Variants in PRKN observed in about 807,000 individuals in gnomAD.
The protein encoded by PRKN is E3 ubiquitin-protein ligase parkin.
Under a neutral mutation model 59.5 loss-of-function variants are expected in PRKN, and 56 were observed. The ratio of observed to expected loss-of-function variants is 0.94; its 90% CI spans 0.76 to 1.18. The LOEUF (loss-of-function observed/expected upper bound fraction) is 1.18. Ranked by LOEUF, PRKN falls within the 50% of genes most tolerant of loss-of-function variation. The probability of loss-of-function intolerance (pLI) is 0.00; values close to 1 mark genes in which losing one functional copy is unlikely to be tolerated. For missense variants in PRKN, 657 were observed against 596.4 expected, an observed-to-expected ratio of 1.10 and a Z score of -1.06; for synonymous variants, 250 against 222.1, an observed-to-expected ratio of 1.13 and a Z score of -1.12.
rs1216844304 is a variant in PRKN, at chr6:161,575,268, T to C, written c.872-5852A>G. 1.3e-5 allele frequency among the ~76,000 whole-genome samples: 2 copies of C among 152,214 alleles called. No individual in the cohort carries two copies. Among genetic ancestry groups the C allele is most frequent in the Non-Finnish European group, 2.9e-5 (2 of 68,046 alleles). ...TTTCAATTAGTATCTGTAATCAACA[T>C]TTACTTTTATTCTGTTGCTATACCA... On this transcript the variant is annotated intron_variant, in intron 7 of 11. Coordinates refer to ENST00000366898, the MANE Select transcript of PRKN (RefSeq NM_004562.3). The surrounding 1 kb of genome is among the most constrained non-coding windows in gnomAD (Gnocchi z 4.6).
intron 2 of PRKN, among the ~76,000 whole-genome samples, chr6:162,416,271 C>G (rs1344984002): frequency 6.6e-6 from 1 of 152,136 alleles, no homozygotes; most frequent in African/African-American, 2.4e-5. Context: ...TATTTTCCCA[C>G]CATTTGAATC....
intron 1 of PRKN, among the ~76,000 whole-genome samples, chr6:162,649,311 G>C (rs1486683716): frequency 6.6e-6 from 1 of 152,278 alleles, no homozygotes; most frequent in East Asian, 1.9e-4. Flanking sequence ...CTAGCAAATT[G>C]TTAGTTAAGG....
At chr6:161,768,628 G>A (rs1176488633) in intron 7 of PRKN, among the ~76,000 whole-genome samples, 3 of 152,188 alleles carry the variant, frequency 2.0e-5, no homozygotes, top group African/African-American at 4.8e-5. Flanking sequence ...TTTTCTTCCT[G>A]TAGCCCAATG....
chr6:162,571,082 A>C (rs1188952142), intron 1 of PRKN: 1 of 152,188 alleles, frequency 6.6e-6, no homozygotes, highest in African/African-American at 2.4e-5. Context: ...CTAGTACTTT[A>C]GGAGGCTGAG....
intron 1 of PRKN, among the ~76,000 whole-genome samples, chr6:162,520,528 A>G (rs1778042743): frequency 6.6e-6 from 1 of 152,174 alleles, no homozygotes; most frequent in African/African-American, 2.4e-5. Flanking sequence ...TGTGAAATTT[A>G]TTCTCTATTT....
intron 4 of PRKN, among the ~76,000 whole-genome samples, chr6:162,146,436 A>G (rs980450557): frequency 6.6e-6 from 1 of 150,680 alleles, no homozygotes; most frequent in Non-Finnish European, 1.5e-5. Flanking sequence ...GTAAATATAT[A>G]TATATATCGA....
At chr6:161,623,902 T>C (rs1312568069) in intron 7 of PRKN, among the ~76,000 whole-genome samples, 1 of 152,248 alleles carries the variant, frequency 6.6e-6, no homozygotes, top group Non-Finnish European at 1.5e-5. Context: ...ATGTTTATAT[T>C]GAACTGGCTA....
chr6:162,256,251 T>C (rs748977075), intron 3 of PRKN, among the ~76,000 whole-genome samples: 2 of 152,176 alleles, frequency 1.3e-5, no homozygotes, highest in African/African-American at 2.4e-5. Context: ...ATATAATAGA[T>C]ATTTTATTAA....
rs182290307 is a variant in PRKN, at chr6:161,870,556, C to T, written c.735-84648G>A. 1.8e-4 allele frequency among the ~76,000 whole-genome samples: 27 copies of T among 152,178 alleles called. No individual in the cohort carries two copies. In the East Asian group the frequency reaches 4.0e-3, roughly 23 times the overall value. ...GGCATGAGTCAGAGTACATTTAACA[C>T]GACTTATTTACTTCTCTACTAAAAA... On this transcript the variant is annotated intron_variant, in intron 6 of 11. Coordinates refer to ENST00000366898, the MANE Select transcript of PRKN (RefSeq NM_004562.3).
intron 3 of PRKN, among the ~76,000 whole-genome samples, chr6:162,201,647 T>C (rs1210501359): frequency 6.6e-6 from 1 of 152,188 alleles, no homozygotes; most frequent in Non-Finnish European, 1.5e-5. Flanking sequence ...TTTTGAAGAC[T>C]GCAGATTTTT....
chr6:161,400,798 C>T lies in PRKN; in HGVS notation c.1084-13921G>A, dbSNP rs896244977. On this transcript the variant is annotated intron_variant, in intron 9 of 11. Transcript: ENST00000366898. The surrounding 1 kb of genome is among the most constrained non-coding windows in gnomAD (Gnocchi z 4.2). ...GAAAATATGAGGCGTAACTGCCCTG[C>T]AGTGAGAGCATATGAATTTTTCTGC... 2.6e-5 allele frequency among the ~76,000 whole-genome samples: 4 copies of T among 152,258 alleles called. No individual in the cohort carries two copies. The highest frequency in any genetic ancestry group is 4.4e-5 in the Non-Finnish European group (3 of 68,016).
intron 7 of PRKN, among the ~76,000 whole-genome samples, chr6:161,661,499 A>C (rs1459080127): frequency 6.7e-6 from 1 of 150,128 alleles, no homozygotes; most frequent in Non-Finnish European, 1.5e-5. Context: ...CACCTCCTAG[A>C]CCGCAGGAAC....
At chr6:162,427,365 A>G (rs1013424503) in intron 2 of PRKN, among the ~76,000 whole-genome samples, 1 of 152,164 alleles carries the variant, frequency 6.6e-6, no homozygotes, top group African/African-American at 2.4e-5. Context: ...CTTGTATAAG[A>G]ATGTTCAGTG....
intron 6 of PRKN, among the ~76,000 whole-genome samples, chr6:161,825,020 AGTT>A (rs1255320111): frequency 6.6e-6 from 1 of 152,196 alleles, no homozygotes; most frequent in African/African-American, 2.4e-5. Flanking sequence ...CAAGCCTCAA[AGTT>A]GTCATATTTC....
chr6:162,216,785 T>C (rs952649274), intron 3 of PRKN, among the ~76,000 whole-genome samples: 1 of 152,078 alleles, frequency 6.6e-6, no homozygotes, highest in African/African-American at 2.4e-5. Flanking sequence ...TGAGACCAAG[T>C]TGCATTACAA....
chr6:162,092,098 G>A lies in PRKN; in HGVS notation c.535-37924C>T, dbSNP rs1201052418. 2.6e-5 allele frequency among the ~76,000 whole-genome samples: 4 copies of A among 152,152 alleles called. No homozygotes were observed. The East Asian group carries it at 5.8e-4, about 22-fold the overall frequency. ...AGGCCAGGTGCAGTGGCTCACTCCT[G>A]TAATCCAGCACTTTGGGAGGCAGAG... On this transcript the variant is annotated intron_variant, in intron 4 of 11. Transcript: ENST00000366898.
chr6:162,585,557 A>C (rs1781009213), intron 1 of PRKN, among the ~76,000 whole-genome samples: 1 of 152,118 alleles, frequency 6.6e-6, no homozygotes, highest in East Asian at 1.9e-4. Flanking sequence ...TTCTTCTCTT[A>C]TTTCCTGTTA....
chr6:162,494,755 C>T (rs1792982464), intron 1 of PRKN, among the ~76,000 whole-genome samples: 5 of 152,048 alleles, frequency 3.3e-5, no homozygotes, highest in Admixed American at 1.3e-4. Context: ...ACTAAAAATC[C>T]CAGTTACCCT....
At chr6:162,400,457 C>CAAAAA (rs3081908) in intron 2 of PRKN, among the ~76,000 whole-genome samples, 9 of 98,698 alleles carry the variant, frequency 9.1e-5, no homozygotes, top group African/African-American at 1.5e-4. Context: ...ATGTAAATAT[C>CAAAAA]AAAAAAAAAA....
Sources: gnomAD v4.1 joint callset for allele counts (sites outside exome capture counted in the v4.1 genomes callset) on GRCh38, gnomAD v4.1.1 for gene constraint, Gnocchi (gnomAD v3.1) non-coding constraint, MANE v1.5 for transcripts, NCBI Gene and HGNC (gene_info 2026-07-23, HGNC 2026-07-21) for gene names.